SGSM2: variants seen among roughly 807,000 people sequenced by gnomAD.
The protein encoded by SGSM2 is small G protein signaling modulator 2.
Under a neutral mutation model 126.6 loss-of-function variants are expected in SGSM2, and 89 were observed. That is an observed-to-expected ratio of 0.70 (90% CI 0.59 to 0.84). The LOEUF is 0.84. Among genes scored for constraint, SGSM2 ranks in the 40% least tolerant of loss-of-function variants. The pLI, the probability that SGSM2 is intolerant of heterozygous loss-of-function variation, is 0.00. For missense variants in SGSM2, 1,404 were observed against 1,416.6 expected, an observed-to-expected ratio of 0.99 and a Z score of 0.14; for synonymous variants, 614 against 574.3, an observed-to-expected ratio of 1.07 and a Z score of -0.99.
chr17:2,372,991 C>T lies in SGSM2; in HGVS notation c.1827C>T (p.Tyr609=), dbSNP rs749547599. The change falls in exon 16 of 24, where the codon TAC becomes TAT. Residue 609 remains tyrosine (Y), a synonymous_variant. Coordinates refer to ENST00000268989, the MANE Select transcript of SGSM2 (RefSeq NM_014853.3). This position sits in a 1 kb window ranked among gnomAD's most constrained non-coding sequence, Gnocchi z 6.0. ...KELELLRQVY[Y]GGIEHEIRKD... is the part of the protein sequence containing the mutation. ...TGGAGCTGCTGCGGCAAGTTTACTA[C>T]GGAGGCATAGAGCACGAGATCCGCA... is the stretch of plus-strand genomic sequence containing the variant. 113 of 1,585,996 alleles carry T rather than the reference C, an allele frequency of 7.1e-5. No individual in the cohort carries two copies. The highest frequency in any genetic ancestry group is 3.9e-4 in the East Asian group (17 of 43,592).
chr17:2,340,217 C>A (rs1288917738), intron 1 of SGSM2, among the ~76,000 whole-genome samples: 3 of 151,730 alleles, frequency 2.0e-5, no homozygotes, highest in East Asian at 1.9e-4. Context: ...TGGGTTCAAG[C>A]GATTTCCCTG....
chr17:2,373,380 A>G lies in SGSM2; in HGVS notation c.1967A>G (p.Lys656Arg), dbSNP rs1417402573. 6 of 1,612,836 alleles carry G rather than the reference A, an allele frequency of 3.7e-6. No individual in the cohort carries two copies. The East Asian group carries it at 8.9e-5, about 24-fold the overall frequency. Residue 656 changes from lysine (K) to arginine (R), a missense_variant, in exon 17 of 24, where the codon AAG becomes AGG. Physicochemically the swap from Lys to Arg is conservative, Grantham distance 26 (BLOSUM62 2). Transcript: ENST00000268989. Reference sequence around the variant, plus strand: ...TACCAGCAGGTGTTGGCAGAGTGGAAGGCCTGCGAGGTGGTGGTGAGGCAG... The same window carrying G: ...TACCAGCAGGTGTTGGCAGAGTGGAGGGCCTGCGAGGTGGTGGTGAGGCAG... ...ARYQQVLAEW[K>R]ACEVVVRQRE...
In SGSM2 at chr17:2,363,050, C is replaced by T; in HGVS notation, c.588C>T (p.Pro196=). The T allele has an allele frequency of 3.7e-6, 6 of 1,613,986 alleles. No individual in the cohort carries two copies. The highest frequency in any genetic ancestry group is 4.2e-6 in the Non-Finnish European group (5 of 1,180,040). Residue 196 remains proline, a synonymous_variant, in exon 6 of 24, where the codon CCC becomes CCT. Transcript: ENST00000268989. This position sits in a 1 kb window ranked among gnomAD's most constrained non-coding sequence, Gnocchi z 4.2. Reference sequence around the variant, plus strand: ...CAGCCGATCACTACTGGACTGACCCCTCTGCTGATGAGCTGGTCCAGCGGC... The same window carrying T: ...CAGCCGATCACTACTGGACTGACCCTTCTGCTGATGAGCTGGTCCAGCGGC... ...LKTADHYWTD[P]SADELVQRHR... is the part of the protein sequence containing the mutation.
In SGSM2 at chr17:2,337,692, G is replaced by A. The variant is rs144150639; in HGVS notation, c.4G>A (p.Gly2Ser). The change falls in exon 1 of 24, where the codon GGC (glycine) becomes AGC (serine). Residue 2 changes from glycine to serine, a missense_variant. By Grantham distance (56) the Gly-to-Ser change is moderately conservative. Coordinates refer to ENST00000268989, the MANE Select transcript of SGSM2 (RefSeq NM_014853.3). The surrounding 1 kb of genome is among the most constrained non-coding windows in gnomAD (Gnocchi z 5.1). Reference sequence around the variant, plus strand: ...CGGCGCCGCCTCCTGCCACACCATGGGCAGCGCAGAGGACGCAGTCAAAGA... The same window carrying A: ...CGGCGCCGCCTCCTGCCACACCATGAGCAGCGCAGAGGACGCAGTCAAAGA... M[G>S]SAEDAVKEKL... is the part of the protein sequence containing the mutation. 754 of 1,521,468 alleles carry A rather than the reference G, an allele frequency of 5.0e-4. 2 individuals carry two copies. The highest frequency in any genetic ancestry group is 4.4e-3 in the African/African-American group (308 of 70,238). The allele number at this position is 1,521,468 out of a possible 1,614,324, so 94.2% of individuals were successfully genotyped here.
intron 2 of SGSM2, among the ~76,000 whole-genome samples, chr17:2,358,372 A>G (rs1390917410): frequency 6.6e-6 from 1 of 152,072 alleles, no homozygotes; most frequent in Non-Finnish European, 1.5e-5. Flanking sequence ...TTATGTCTCC[A>G]TGTATGTTTC....
chr17:2,351,263 AAAG>A (rs1322544280), intron 2 of SGSM2, among the ~76,000 whole-genome samples: 2 of 152,028 alleles, frequency 1.3e-5, no homozygotes, highest in Admixed American at 6.6e-5. Flanking sequence ...AAAAAAAAAA[AAAG>A]GAGAGGAGCT....
At position 2,363,133 on chromosome 17, in the gene SGSM2, G is replaced by C. The variant is rs1234281686; in HGVS notation, c.671G>C (p.Gly224Ala). ...QDSPAKRPAL[G>A]IRKRHSSGSA... The stretch of plus-strand genomic sequence containing the variant: ...TCCCCTGCAAAGCGCCCAGCCCTGG[G>C]GGTAGGTGCCCCCTCCCCACCCTTT... Residue 224 changes from glycine to alanine, a missense_variant and splice_region_variant, in exon 6 of 24, where the codon GGG becomes GCG. By Grantham distance (60) the Gly-to-Ala change is moderately conservative. Coordinates refer to ENST00000268989, the MANE Select transcript of SGSM2 (RefSeq NM_014853.3). This position sits in a 1 kb window ranked among gnomAD's most constrained non-coding sequence, Gnocchi z 4.2. 2 of 1,597,460 alleles carry C rather than the reference G, an allele frequency of 1.3e-6. No homozygotes were observed. The highest frequency in any genetic ancestry group is 1.7e-6 in the Non-Finnish European group (2 of 1,173,748).
intron 2 of SGSM2, among the ~76,000 whole-genome samples, chr17:2,348,807 C>T (rs2447111): frequency 3.3e-5 from 5 of 151,882 alleles, no homozygotes; most frequent in African/African-American, 1.2e-4. Flanking sequence ...TCTGTCTCCC[C>T]GCTGGAGTGC....
In SGSM2 at chr17:2,362,133, G is replaced by A; in HGVS notation, c.321G>A (p.Glu107=). Residue 107 remains glutamate, a synonymous_variant, in exon 4 of 24, where the codon GAG becomes GAA. Coordinates refer to ENST00000268989, the MANE Select transcript of SGSM2 (RefSeq NM_014853.3). This position sits in a 1 kb window ranked among gnomAD's most constrained non-coding sequence, Gnocchi z 4.9. ...GGAAACCCTCAGGGGTCAGCCAGGA[G>A]GCCCTGCGGAGACAGGGCTCAGCCA... ...EGRKPSGVSQ[E]ALRRQGSASG... 1 of 1,613,198 alleles carries A rather than the reference G, an allele frequency of 6.2e-7. No homozygotes were observed. Among genetic ancestry groups the A allele is most frequent in the Non-Finnish European group, 8.5e-7 (1 of 1,179,788 alleles).
chr17:2,371,926 CAT>C (rs1449514339), intron 13 of SGSM2: 1 of 522,788 alleles, frequency 1.9e-6, no homozygotes, highest in Non-Finnish European at 3.4e-6. Flanking sequence ...CCATTTTTCA[CAT>C]GAGGAAACGA....
In SGSM2 at chr17:2,375,581, G is replaced by A; in HGVS notation, c.2190G>A (p.Gly730=). 6.2e-7 allele frequency: 1 copy of A among 1,613,964 alleles called. No homozygotes were observed. The change falls in exon 18 of 24, where the codon GGG becomes GGA. Residue 730 remains glycine (G), a synonymous_variant. Coordinates refer to ENST00000268989, the MANE Select transcript of SGSM2 (RefSeq NM_014853.3). ...RPKPEQEAGP[G]TPGTAVVEQQ... ...AACCTGAGCAGGAAGCAGGACCCGG[G>A]ACTCCGGGCACCGCCGTGGTGGAGC...
chr17:2,349,747 C>T (rs1402523018), intron 2 of SGSM2, among the ~76,000 whole-genome samples: 1 of 151,330 alleles, frequency 6.6e-6, no homozygotes, highest in African/African-American at 2.4e-5. Context: ...ATACTGTCCC[C>T]TTTTCCTTCT....
chr17:2,338,206 C>A (rs868420554), intron 1 of SGSM2, among the ~76,000 whole-genome samples: 2 of 152,170 alleles, frequency 1.3e-5, no homozygotes, highest in Non-Finnish European at 1.5e-5. Flanking sequence ...TGTCCGACGT[C>A]CGCTGTGCCT....
chr17:2,373,192 C>T, intron 16 of SGSM2, 111 bp downstream of exon 16: 1 of 1,548,582 alleles, frequency 6.5e-7, no homozygotes, highest in Non-Finnish European at 8.7e-7. Context: ...AGAAGCATGG[C>T]AGGGCAGCTC....
At chr17:2,354,250 A>G (rs929479913) in intron 2 of SGSM2, among the ~76,000 whole-genome samples, 3 of 151,880 alleles carry the variant, frequency 2.0e-5, no homozygotes, top group South Asian at 2.1e-4. Flanking sequence ...GGGTTTCACT[A>G]TGTTACCCAG....
chr17:2,379,158 C>A lies in SGSM2; in HGVS notation c.3022C>A (p.Arg1008Ser), dbSNP rs562371883. ...ALVEAYREII[R>S]DNNMDFTDII... ...GGTGGAGGCCTACCGAGAGATCATC[C>A]GTGACAACAACATGGACTTCACTGA... Residue 1008 changes from arginine (R) to serine (S), a missense_variant, in exon 23 of 24, where the codon CGT (arginine) becomes AGT (serine). Coordinates refer to ENST00000268989, the MANE Select transcript of SGSM2 (RefSeq NM_014853.3). 6.2e-7 allele frequency: 1 copy of A among 1,614,118 alleles called. No individual in the cohort carries two copies. The highest frequency in any genetic ancestry group is 8.5e-7 in the Non-Finnish European group (1 of 1,180,020).
intron 19 of SGSM2, 21 bp downstream of exon 19, chr17:2,376,282 C>T (rs1221434842): frequency 2.5e-6 from 4 of 1,609,160 alleles, no homozygotes; most frequent in Non-Finnish European, 3.4e-6. Context: ...GGGCGGGGCT[C>T]AGGGTGGGAG....
intron 2 of SGSM2, among the ~76,000 whole-genome samples, chr17:2,353,230 G>C (rs1597332138): frequency 2.0e-5 from 3 of 152,144 alleles, no homozygotes; most frequent in South Asian, 2.1e-4. Flanking sequence ...GCGCCCCCTA[G>C]TGGTGGGAAA....
chr17:2,352,924 T>C (rs9903419), intron 2 of SGSM2, among the ~76,000 whole-genome samples: 56,742 of 114,880 alleles, frequency 0.49, 15,891 homozygotes, highest in East Asian at 0.73. Flanking sequence ...ACTACAGGCG[T>C]CCGCCACCAC....
Sources: gnomAD v4.1 joint callset for allele counts (sites outside exome capture counted in the v4.1 genomes callset) on GRCh38, gnomAD v4.1.1 for gene constraint, Gnocchi (gnomAD v3.1) non-coding constraint, MANE v1.5 for transcripts, NCBI Gene and HGNC (gene_info 2026-07-23, HGNC 2026-07-21) for gene names.